FOXP2: variants seen among roughly 807,000 people sequenced by gnomAD.
FOXP2 encodes the protein forkhead box P2.
In FOXP2, 12 loss-of-function variants were observed where a neutral mutation model predicts 115.8. That is an observed-to-expected ratio of 0.10 (90% CI 0.07 to 0.17). The LOEUF is 0.17. Ranked by LOEUF, FOXP2 falls within the 10% of genes least tolerant of loss-of-function variation. The pLI, the probability that FOXP2 is intolerant of heterozygous loss-of-function variation, is 1.00. For missense variants in FOXP2, 629 were observed against 843.5 expected, an observed-to-expected ratio of 0.75 and a Z score of 3.15; for synonymous variants, 328 against 297.7, an observed-to-expected ratio of 1.10 and a Z score of -1.05.
intron 1 of FOXP2, among the ~76,000 whole-genome samples, chr7:114,228,452 T>G (rs957934560): frequency 6.6e-6 from 1 of 151,978 alleles, no homozygotes. Flanking sequence ...GCCTTTACTT[T>G]TTAGTTCATT....
At chr7:114,505,655 T>C (rs1258799302) in intron 2 of FOXP2, among the ~76,000 whole-genome samples, 1 of 151,480 alleles carries the variant, frequency 6.6e-6, no homozygotes, top group Non-Finnish European at 1.5e-5. Flanking sequence ...CTGTTACAAC[T>C]TCTTTTGGGG....
chr7:114,386,912 A>C lies in FOXP2; in HGVS notation c.-10-39590A>C, dbSNP rs148275054. 7.2e-4 allele frequency among the ~76,000 whole-genome samples: 109 copies of C among 152,330 alleles called. 1 individual carries two copies. In the East Asian group the frequency reaches 0.019, roughly 27 times the overall value. ...GTATAATAATGAAAATAATTATTTC[A>C]CTTAATATCCCCCATCTGTTCTTTC... On this transcript the variant is annotated intron_variant, in intron 2 of 17. Coordinates refer to the FOXP2 transcript ENST00000634411.
chr7:114,391,102 G>A (rs995957185), intron 2 of FOXP2, among the ~76,000 whole-genome samples: 4 of 151,832 alleles, frequency 2.6e-5, no homozygotes, highest in Admixed American at 6.6e-5. Flanking sequence ...CAGGAGAATC[G>A]CTTGAACCCG....
At chr7:114,603,803 A>G (rs1005065081) in intron 3 of FOXP2, among the ~76,000 whole-genome samples, 1 of 152,188 alleles carries the variant, frequency 6.6e-6, no homozygotes, top group African/African-American at 2.4e-5. Flanking sequence ...TTTGAAAGCA[A>G]ACTCCCTTCA....
upstream of FOXP2, among the ~76,000 whole-genome samples, chr7:114,159,287 A>C (rs1231283572): frequency 6.6e-6 from 1 of 152,134 alleles, no homozygotes; most frequent in Non-Finnish European, 1.5e-5. Flanking sequence ...CAGAGAAGTT[A>C]AGCAAACTAA....
chr7:114,662,278 C>T, intron 14 of FOXP2, 92 bp downstream of exon 14: 2 of 1,540,136 alleles, frequency 1.3e-6, no homozygotes, highest in East Asian at 2.3e-5. Flanking sequence ...AGACAGTTAG[C>T]TTAATGGCAT....
intron 2 of FOXP2, chr7:114,499,074 G>T (rs1043171579): frequency 5.4e-5 from 31 of 570,340 alleles, no homozygotes; most frequent in Non-Finnish European, 9.1e-5. Context: ...TGGGGTTGGA[G>T]CTCAGCAATT....
intron 2 of FOXP2, among the ~76,000 whole-genome samples, chr7:114,341,743 T>G (rs1197086432): frequency 1.3e-5 from 2 of 151,364 alleles, no homozygotes; most frequent in Admixed American, 1.3e-4. Flanking sequence ...GTTCATTCCC[T>G]CATTAGCTAA....
rs201732436 is a variant in FOXP2, at chr7:114,169,810, GAC to G, written c.-102+6724_-102+6725del. ...CCGGTGGGAGATAATTGAATCATGG[GAC>G]AGGTCTTTCCTATGTTGTTCTCATG... On this transcript the variant is annotated intron_variant, in intron 1 of 17. Coordinates refer to the FOXP2 transcript ENST00000634411. 6.9e-3 allele frequency among the ~76,000 whole-genome samples: 1,044 copies of G among 152,222 alleles called. 12 individuals are homozygous for G. The highest frequency in any genetic ancestry group is 0.024 in the African/African-American group (996 of 41,520).
At chr7:114,363,258 T>C (rs755271779) in intron 2 of FOXP2, among the ~76,000 whole-genome samples, 14 of 152,128 alleles carry the variant, frequency 9.2e-5, no homozygotes, top group African/African-American at 4.8e-5. Flanking sequence ...GAAGACATTT[T>C]AACATTAATT....
chr7:114,515,809 A>C (rs1332305944), intron 2 of FOXP2, among the ~76,000 whole-genome samples: 2 of 152,172 alleles, frequency 1.3e-5, no homozygotes, highest in African/African-American at 4.8e-5. Flanking sequence ...TATGTCCTGA[A>C]TTGCTTCAAA....
chr7:114,629,547 G>A, intron 4 of FOXP2: 1 of 1,472,698 alleles, frequency 6.8e-7, no homozygotes, highest in Non-Finnish European at 9.2e-7. Context: ...TATTAATTTG[G>A]CTCTGACCCT....
upstream of FOXP2, among the ~76,000 whole-genome samples, chr7:114,158,418 C>T (rs948792644): frequency 5.9e-5 from 9 of 151,644 alleles, no homozygotes; most frequent in Admixed American, 5.3e-4. Flanking sequence ...CTCTGTCTCA[C>T]TCTCTCTCTC....
At chr7:114,197,375 T>A (rs1793940561) in intron 1 of FOXP2, among the ~76,000 whole-genome samples, 1 of 152,130 alleles carries the variant, frequency 6.6e-6, no homozygotes, top group African/African-American at 2.4e-5. Context: ...AATGGTCAGG[T>A]TCTGGTGAAG....
At chr7:114,262,223 A>T (rs189677735) in intron 1 of FOXP2, among the ~76,000 whole-genome samples, 428 of 152,226 alleles carry the variant, frequency 2.8e-3, no homozygotes, top group Non-Finnish European at 4.6e-3. Context: ...CAGGAGTTCA[A>T]GACCAGCCTG....
chr7:114,536,621 A>G (rs1799412774), intron 3 of FOXP2, among the ~76,000 whole-genome samples: 1 of 151,406 alleles, frequency 6.6e-6, no homozygotes, highest in Admixed American at 6.6e-5. Flanking sequence ...GATTAAAACT[A>G]TTATAAATAC....
intron 1 of FOXP2, among the ~76,000 whole-genome samples, chr7:114,279,256 T>C (rs755355167): frequency 3.9e-5 from 6 of 152,192 alleles, no homozygotes; most frequent in African/African-American, 7.2e-5. Flanking sequence ...TGTATTATAT[T>C]GTGATAGAGG....
intron 2 of FOXP2, among the ~76,000 whole-genome samples, chr7:114,468,889 GA>G (rs983067114): frequency 6.6e-5 from 10 of 152,020 alleles, no homozygotes; most frequent in African/African-American, 1.7e-4. Flanking sequence ...TTTACTTAAT[GA>G]AAAAAAGTCA....
chr7:114,177,735 T>C (rs1793354181), intron 1 of FOXP2, among the ~76,000 whole-genome samples: 1 of 152,002 alleles, frequency 6.6e-6, no homozygotes, highest in Non-Finnish European at 1.5e-5. Flanking sequence ...TTTTCATATA[T>C]GTATATTTTG....
Sources: allele counts gnomAD v4.1 joint callset (sites outside exome capture counted in the v4.1 genomes callset), GRCh38; gene constraint gnomAD v4.1.1; transcripts MANE v1.5; gene names NCBI Gene and HGNC (gene_info 2026-07-23, HGNC 2026-07-21).